Variants in NRXN3 observed in about 807,000 individuals in gnomAD.
The protein encoded by NRXN3 is neurexin 3.
A neutral mutation model predicts 137.6 loss-of-function variants in NRXN3; 32 were observed. The ratio of observed to expected loss-of-function variants is 0.23; its 90% CI spans 0.18 to 0.31. NRXN3 has a LOEUF of 0.31. NRXN3 is among the 10% of genes least tolerant of loss of function. The probability of loss-of-function intolerance (pLI) is 1.00; values close to 1 mark genes in which losing one functional copy is unlikely to be tolerated. For synonymous variants in NRXN3, 798 were observed against 784.5 expected (o/e 1.02, Z -0.29); for missense variants, 1,574 against 2,062.5 (o/e 0.76, Z 4.59).
chr14:79,343,303 T>C (rs534554690), intron 15 of NRXN3, among the ~76,000 whole-genome samples: 19 of 152,136 alleles, frequency 1.2e-4, no homozygotes, highest in Non-Finnish European at 2.6e-4. Flanking sequence ...ATCGTCTTTG[T>C]TTTAAACTGT....
At position 78,243,622 on chromosome 14, in the gene NRXN3, C is replaced by A. The variant is rs1426761983; in HGVS notation, c.529C>A (p.Leu177Met). The stretch of plus-strand genomic sequence containing the variant: ...CATGCCCGGCTTCAAGGGGTTAATT[C>A]TGGATCTCAAGTATGGAAACTCGGA... ...QAMPGFKGLI[L>M]DLKYGNSEPR... The change falls in exon 2 of 21, where the codon CTG becomes ATG. Residue 177 changes from leucine to methionine, a missense_variant. Coordinates refer to ENST00000335750, the MANE Select transcript of NRXN3 (RefSeq NM_001330195.2). The surrounding 1 kb of genome is among the most constrained non-coding windows in gnomAD (Gnocchi z 4.2). 1.3e-6 allele frequency: 2 copies of A among 1,598,416 alleles called. No individual in the cohort carries two copies. Among genetic ancestry groups the A allele is most frequent in the Non-Finnish European group, 1.7e-6 (2 of 1,179,800 alleles).
intron 19 of NRXN3, among the ~76,000 whole-genome samples, chr14:79,788,177 C>T (rs2099134842): frequency 6.6e-6 from 1 of 152,136 alleles, no homozygotes; most frequent in Non-Finnish European, 1.5e-5. Context: ...ACCATCCGAT[C>T]TCATGAAACT....
chr14:79,405,592 C>T (rs528027736), intron 15 of NRXN3, among the ~76,000 whole-genome samples: 11 of 152,104 alleles, frequency 7.2e-5, no homozygotes, highest in Non-Finnish European at 1.2e-4. Flanking sequence ...TGGAACCCAC[C>T]AGGAAGAGAG....
chr14:78,435,104 T>C (rs2094016584), intron 4 of NRXN3, among the ~76,000 whole-genome samples: 1 of 152,234 alleles, frequency 6.6e-6, no homozygotes. Flanking sequence ...TTGTGTGCAA[T>C]CTGGCTGAAT....
Position 78,578,484 on chromosome 14 carries a change from A to C in NRXN3, c.758-66636A>C, listed in dbSNP as rs550028478. Among the ~76,000 whole-genome samples, 159 of 152,216 alleles carry C rather than the reference A, an allele frequency of 1.0e-3. 2 individuals carry two copies. The highest frequency in any genetic ancestry group is 7.3e-4 in the Non-Finnish European group (50 of 68,036). ...AGGAAGTATGGATTCATCTGCTTTG[A>C]AATGAGTCTTTAGTTTGTTTCCTGC... On this transcript the variant is annotated intron_variant, in intron 4 of 20. Coordinates refer to ENST00000335750, the MANE Select transcript of NRXN3 (RefSeq NM_001330195.2).
At chr14:78,289,255 G>A (rs1370751813) in intron 3 of NRXN3, among the ~76,000 whole-genome samples, 2 of 152,156 alleles carry the variant, frequency 1.3e-5, no homozygotes, top group African/African-American at 2.4e-5. Flanking sequence ...ATTATTTGAA[G>A]CTTTGTATAG....
intron 20 of NRXN3, among the ~76,000 whole-genome samples, chr14:79,827,045 G>A (rs2099305539): frequency 6.6e-6 from 1 of 152,176 alleles, no homozygotes; most frequent in South Asian, 2.1e-4. Context: ...CTTAGCTGCA[G>A]ATTGAGCATT....
At chr14:79,281,925 G>T (rs562775890) in intron 15 of NRXN3, 1 of 152,318 alleles carries the variant, frequency 6.6e-6, no homozygotes, top group South Asian at 2.1e-4. Flanking sequence ...AGCACATTGA[G>T]AAAATGCCAG....
intron 19 of NRXN3, among the ~76,000 whole-genome samples, chr14:79,714,645 G>A (rs1316162318): frequency 6.6e-6 from 1 of 151,944 alleles, no homozygotes; most frequent in African/African-American, 2.4e-5. Flanking sequence ...AATAATTAGA[G>A]GGAAATAAAT....
chr14:79,742,292 T>C (rs975144469), intron 19 of NRXN3, among the ~76,000 whole-genome samples: 3 of 152,220 alleles, frequency 2.0e-5, no homozygotes, highest in Admixed American at 1.3e-4. Context: ...TGCATGATAA[T>C]GTACCTCTTG....
rs184544374 is a variant in NRXN3 at position 78,307,694 on chromosome 14, A to G, written c.757+9834A>G. 7.2e-5 allele frequency among the ~76,000 whole-genome samples: 11 copies of G among 152,250 alleles called. No homozygotes were observed. The East Asian group carries it at 2.1e-3, about 29-fold the overall frequency. ...ATATGCTTTGTAAAAAGCCAGACTA[A>G]TAACACTTTTTGATGGATGTCTGAT... On this transcript the variant is annotated intron_variant, in intron 4 of 20. Coordinates refer to ENST00000335750, the MANE Select transcript of NRXN3 (RefSeq NM_001330195.2).
chr14:78,660,114 G>A (rs1398835409), intron 6 of NRXN3, among the ~76,000 whole-genome samples: 2 of 151,954 alleles, frequency 1.3e-5, no homozygotes, highest in African/African-American at 4.8e-5. Context: ...GGAAGAGTGA[G>A]GAGCACTGAG....
intron 15 of NRXN3, among the ~76,000 whole-genome samples, chr14:79,351,094 A>C (rs187932911): frequency 4.6e-5 from 7 of 152,242 alleles, no homozygotes; most frequent in East Asian, 1.9e-4. Flanking sequence ...TCAAACTTTC[A>C]ACTAATGGTC....
intron 19 of NRXN3, among the ~76,000 whole-genome samples, chr14:79,774,944 G>A (rs1350080881): frequency 1.3e-5 from 2 of 151,642 alleles, no homozygotes; most frequent in East Asian, 1.9e-4. Flanking sequence ...TATATAGTAT[G>A]TGTGTGTGTG....
At chr14:78,480,772 C>T (rs981291950) in intron 4 of NRXN3, among the ~76,000 whole-genome samples, 5 of 152,128 alleles carry the variant, frequency 3.3e-5, no homozygotes, top group Non-Finnish European at 7.4e-5. Flanking sequence ...ACTATTCCCC[C>T]TTTTATTAAA....
chr14:79,106,384 A>G (rs944092546), intron 15 of NRXN3, among the ~76,000 whole-genome samples: 22 of 152,252 alleles, frequency 1.4e-4, no homozygotes, highest in African/African-American at 5.1e-4. Context: ...AGAATAAGCC[A>G]GAAGAACTGC....
At chr14:79,799,302 G>A (rs2099169922) in intron 19 of NRXN3, among the ~76,000 whole-genome samples, 1 of 152,064 alleles carries the variant, frequency 6.6e-6, no homozygotes, top group Admixed American at 6.6e-5. Context: ...TAATATATAG[G>A]GGCAGAGGAA....
intron 15 of NRXN3, among the ~76,000 whole-genome samples, chr14:79,157,498 C>A (rs1449026652): frequency 6.6e-6 from 1 of 151,760 alleles, no homozygotes; most frequent in Non-Finnish European, 1.5e-5. Flanking sequence ...GGTTTTGTGT[C>A]TCACTTTTGT....
chr14:79,540,356 A>G (rs144060572), intron 16 of NRXN3, among the ~76,000 whole-genome samples: 330 of 152,280 alleles, frequency 2.2e-3, no homozygotes, highest in African/African-American at 7.7e-3. Context: ...ACATGTAGAC[A>G]TTATGTAAAA....
Sources: allele counts gnomAD v4.1 joint callset (sites outside exome capture counted in the v4.1 genomes callset), GRCh38; gene constraint gnomAD v4.1.1; non-coding constraint Gnocchi (gnomAD v3.1); transcripts MANE v1.5; gene names NCBI Gene and HGNC (gene_info 2026-07-23, HGNC 2026-07-21).